Variants in CACNB2 observed in about 807,000 individuals in gnomAD.
The protein encoded by CACNB2 is calcium voltage-gated channel auxiliary subunit beta 2.
CACNB2 carries 42 observed loss-of-function variants against 73.3 expected under a neutral mutation model. That is an observed-to-expected ratio of 0.57 (90% confidence interval 0.45 to 0.74). CACNB2 has a LOEUF of 0.74. Ranked by LOEUF, CACNB2 falls within the 30% of genes least tolerant of loss-of-function variation. The pLI is 0.00. For synonymous variants in CACNB2, 348 were observed against 310.3 expected (o/e 1.12, Z -1.28); for missense variants, 940 against 853.0 (o/e 1.10, Z -1.27).
chr10:18,155,572 T>C (rs1212610735), intron 2 of CACNB2, among the ~76,000 whole-genome samples: 2 of 152,298 alleles, frequency 1.3e-5, no homozygotes, highest in East Asian at 1.9e-4. Context: ...GTTCAGTGAA[T>C]AGAGTGGAAT....
At chr10:18,145,354 T>C (rs552431545) in intron 1 of CACNB2, among the ~76,000 whole-genome samples, 2 of 152,328 alleles carry the variant, frequency 1.3e-5, no homozygotes, top group East Asian at 3.9e-4. Flanking sequence ...ACAGGTCCTG[T>C]GCTTTATGTT....
At chr10:18,524,288 G>C (rs1274195674) in intron 9 of CACNB2, among the ~76,000 whole-genome samples, 1 of 151,860 alleles carries the variant, frequency 6.6e-6, no homozygotes, top group Non-Finnish European at 1.5e-5. Context: ...GAAGTGTTTG[G>C]AATGCATACT....
intron 2 of CACNB2, among the ~76,000 whole-genome samples, chr10:18,389,800 G>A (rs1589219573): frequency 6.6e-6 from 1 of 152,150 alleles, no homozygotes; most frequent in South Asian, 2.1e-4. Flanking sequence ...TGTGAATTGG[G>A]ACTTTGCAAA....
At chr10:18,503,621 A>T (rs997709773) in intron 5 of CACNB2, among the ~76,000 whole-genome samples, 4 of 152,158 alleles carry the variant, frequency 2.6e-5, no homozygotes, top group African/African-American at 9.7e-5. Context: ...CCTTATATGG[A>T]AACATTTTGT....
intron 2 of CACNB2, among the ~76,000 whole-genome samples, chr10:18,176,986 G>A (rs1228383435): frequency 6.6e-6 from 1 of 151,938 alleles, no homozygotes. Context: ...ATAGAGGTGA[G>A]GGAGGGAGGT....
At chr10:18,179,628 T>C (rs117733592) in intron 2 of CACNB2, among the ~76,000 whole-genome samples, 3,333 of 152,144 alleles carry the variant, frequency 0.022, 46 homozygotes, top group Middle Eastern at 0.1. Context: ...AATTCAGGGA[T>C]TTCTTCCAAG....
intron 2 of CACNB2, among the ~76,000 whole-genome samples, chr10:18,308,010 T>TTTTTTA: frequency 7.5e-6 from 1 of 132,744 alleles, no homozygotes. Flanking sequence ...TTTTTTTTTT[T>TTTTTTA]GAGGTAGAGT....
At chr10:18,237,778 C>T (rs80167292) in intron 2 of CACNB2, among the ~76,000 whole-genome samples, 1 of 152,080 alleles carries the variant, frequency 6.6e-6, no homozygotes, top group Non-Finnish European at 1.5e-5. Context: ...TGTGATATAC[C>T]CAACAGGGGT....
chr10:18,355,282 G>A (rs901555666), intron 2 of CACNB2, among the ~76,000 whole-genome samples: 2 of 152,116 alleles, frequency 1.3e-5, no homozygotes, highest in Non-Finnish European at 2.9e-5. Context: ...TTGGAGTTCT[G>A]GATGAGAAGC....
chr10:18,171,521 G>GAAAAAAAAAAAAAAAAAAAAA lies in CACNB2; in HGVS notation c.213+20554_213+20574dup, dbSNP rs370201485. Among the ~76,000 whole-genome samples the GAAAAAAAAAAAAAAAAAAAAA allele has an allele frequency of 1.2e-4, 4 of 32,604 alleles. 2 individuals are homozygous for GAAAAAAAAAAAAAAAAAAAAA. The highest frequency in any genetic ancestry group is 2.0e-4 in the African/African-American group (2 of 9,816). 21.4% of individuals were successfully genotyped at this position (32,604 alleles called of 152,430 possible). On this transcript the variant is annotated intron_variant, in intron 2 of 13. Coordinates refer to ENST00000324631, the MANE Select transcript of CACNB2 (RefSeq NM_201596.3). The stretch of plus-strand genomic sequence containing the variant: ...TCCCTTCTTCCCGGCTTTGATAGCA[G>GAAAAAAAAAAAAAAAAAAAAA]AAAAAAAAAAAAAAAAAAAAAAAAA...
At chr10:18,200,677 G>T (rs538435850) in intron 2 of CACNB2, among the ~76,000 whole-genome samples, 12 of 152,140 alleles carry the variant, frequency 7.9e-5, no homozygotes, top group African/African-American at 2.7e-4. Context: ...TTAAAAAATT[G>T]ATGCATTTAG....
At chr10:18,450,776 C>T (rs2046983783) in intron 3 of CACNB2, among the ~76,000 whole-genome samples, 2 of 151,964 alleles carry the variant, frequency 1.3e-5, no homozygotes, top group South Asian at 2.1e-4. Context: ...GTGTGCACCA[C>T]CATGACTGGC....
intron 2 of CACNB2, chr10:18,206,031 A>G (rs2035075506): frequency 6.5e-6 from 1 of 152,696 alleles, no homozygotes; most frequent in African/African-American, 2.4e-5. Context: ...TCTGTCACCC[A>G]GGGTAGAGTG....
At chr10:18,153,744 G>A (rs1455284959) in intron 2 of CACNB2, among the ~76,000 whole-genome samples, 2 of 149,732 alleles carry the variant, frequency 1.3e-5, no homozygotes, top group Admixed American at 6.7e-5. Context: ...ACTATGCCCA[G>A]CTGATTTTTG....
Position 18,279,824 on chromosome 10 carries a change from A to G in CACNB2, c.214-122100A>G, listed in dbSNP as rs527532586. On this transcript the variant is annotated intron_variant, in intron 2 of 13. Coordinates refer to ENST00000324631, the MANE Select transcript of CACNB2 (RefSeq NM_201596.3). ...GCTGGGCGCAGTGGCTCATGCCTGT[A>G]ATCCCAGCACTTTGGGAGGCTGAGG... Among the ~76,000 whole-genome samples the G allele has an allele frequency of 1.1e-4, 16 of 152,332 alleles. No homozygotes were observed. The South Asian group carries it at 3.3e-3, about 32-fold the overall frequency.
At chr10:18,462,657 C>T (rs891104275) in intron 3 of CACNB2, among the ~76,000 whole-genome samples, 4 of 152,124 alleles carry the variant, frequency 2.6e-5, no homozygotes, top group Non-Finnish European at 5.9e-5. Context: ...TTCTCTTTTG[C>T]TTTCAGTATT....
At chr10:18,517,687 A>C (rs2051418649) in intron 7 of CACNB2, among the ~76,000 whole-genome samples, 1 of 152,210 alleles carries the variant, frequency 6.6e-6, no homozygotes. Context: ...AAAATTCAAT[A>C]GCATTAATCA....
intron 2 of CACNB2, among the ~76,000 whole-genome samples, chr10:18,248,551 C>T (rs2036958136): frequency 6.6e-6 from 1 of 152,116 alleles, no homozygotes; most frequent in Admixed American, 6.5e-5. Context: ...TTGAGATTTT[C>T]CTCATTCATT....
chr10:18,207,715 A>T (rs991484955), intron 2 of CACNB2, among the ~76,000 whole-genome samples: 1 of 152,238 alleles, frequency 6.6e-6, no homozygotes, highest in Non-Finnish European at 1.5e-5. Flanking sequence ...TAACATGTAC[A>T]TGGGCATGAT....
Sources: allele counts gnomAD v4.1 joint callset (sites outside exome capture counted in the v4.1 genomes callset), GRCh38; gene constraint gnomAD v4.1.1; transcripts MANE v1.5; gene names NCBI Gene and HGNC (gene_info 2026-07-23, HGNC 2026-07-21).